GATAD2B: variants seen among roughly 807,000 people sequenced by gnomAD.
GATAD2B encodes the protein transcriptional repressor p66-beta.
A neutral mutation model predicts 64.3 loss-of-function variants in GATAD2B; 8 were observed. That is an observed-to-expected ratio of 0.12 (90% CI 0.07 to 0.22). The LOEUF (loss-of-function observed/expected upper bound fraction) is 0.22, where lower values mean the gene tolerates loss of function less well. Ranked by LOEUF, GATAD2B falls within the 10% of genes least tolerant of loss-of-function variation. GATAD2B has a pLI of 1.00. For missense variants in GATAD2B, 453 were observed against 752.0 expected, an observed-to-expected ratio of 0.60 and a Z score of 4.65; for synonymous variants, 281 against 271.3, an observed-to-expected ratio of 1.04 and a Z score of -0.35.
intron 1 of GATAD2B, among the ~76,000 whole-genome samples, chr1:153,902,282 AAAAAAAAG>A (rs1411540076): frequency 2.6e-5 from 4 of 152,014 alleles, no homozygotes; most frequent in African/African-American, 4.8e-5. Context: ...ACTCCATCTC[AAAAAAAAG>A]AAAAAAAGAA....
At chr1:153,911,357 A>G (rs959487480) in intron 1 of GATAD2B, among the ~76,000 whole-genome samples, 7 of 152,220 alleles carry the variant, frequency 4.6e-5, no homozygotes, top group Non-Finnish European at 7.3e-5. Flanking sequence ...CAACAAAAGA[A>G]AGAGCTAATG....
At chr1:153,892,330 G>C (rs1677440468) in intron 1 of GATAD2B, among the ~76,000 whole-genome samples, 1 of 152,030 alleles carries the variant, frequency 6.6e-6, no homozygotes, top group African/African-American at 2.4e-5. Context: ...CACACTAAAG[G>C]CTAAAGATCA....
intron 1 of GATAD2B, among the ~76,000 whole-genome samples, chr1:153,868,738 C>CT (rs1269590974): frequency 0.011 from 1,534 of 139,172 alleles, 33 homozygotes; most frequent in Admixed American, 0.049. Context: ...ATACTATATA[C>CT]TTTTTTTTTT....
At chr1:153,831,094 T>G (rs137969402) in intron 1 of GATAD2B, among the ~76,000 whole-genome samples, 390 of 152,306 alleles carry the variant, frequency 2.6e-3, no homozygotes, top group Non-Finnish European at 4.2e-3. Context: ...CCCAAACTTC[T>G]GAATTTTGGG....
intron 1 of GATAD2B, among the ~76,000 whole-genome samples, chr1:153,905,553 G>GAAA (rs769120730): frequency 2.0e-4 from 13 of 64,632 alleles, no homozygotes; most frequent in Admixed American, 5.2e-4. Flanking sequence ...AACAATTTTG[G>GAAA]AAAAAAAAAA....
rs995115677 is a variant in GATAD2B at position 153,806,991 on chromosome 1, G to A, written c.*3186C>T. The A allele has an allele frequency of 2.0e-5, 3 of 152,028 alleles. No homozygotes were observed. The highest frequency in any genetic ancestry group is 6.6e-5 in the Admixed American group (1 of 15,264). The allele number at this position is 152,028 out of a possible 1,614,324, so 9.4% of individuals were successfully genotyped here. A position where few individuals can be genotyped will look rare whatever the true frequency, so the allele number is the denominator to read the frequency against. ...CTACCATACATATATCCAAAAATGT[G>A]GGAAAAATACTTATTCCAGGGAGAG... On this transcript the variant is annotated 3_prime_UTR_variant, in exon 11 of 11. Transcript: ENST00000368655.
At chr1:153,825,847 A>C (rs1674856544) in intron 2 of GATAD2B, among the ~76,000 whole-genome samples, 1 of 152,134 alleles carries the variant, frequency 6.6e-6, no homozygotes, top group Non-Finnish European at 1.5e-5. Flanking sequence ...TAAAGTTATA[A>C]CCATTTCTTT....
chr1:153,810,866 C>T (rs938178082), intron 10 of GATAD2B, among the ~76,000 whole-genome samples: 7 of 152,112 alleles, frequency 4.6e-5, no homozygotes, highest in African/African-American at 1.2e-4. Context: ...CAAGTTCAAG[C>T]GATTCTCCTG....
chr1:153,863,868 C>T (rs745414633), intron 1 of GATAD2B, among the ~76,000 whole-genome samples: 8 of 152,134 alleles, frequency 5.3e-5, no homozygotes, highest in Non-Finnish European at 1.0e-4. Context: ...TTGTGATCCA[C>T]CTGCCTCGAT....
chr1:153,882,553 A>G (rs940976695), intron 1 of GATAD2B, among the ~76,000 whole-genome samples: 3 of 152,238 alleles, frequency 2.0e-5, no homozygotes, highest in African/African-American at 7.2e-5. Flanking sequence ...GACAGTACCC[A>G]TGCATTCTTT....
At chr1:153,812,411 A>C (rs1674322260) in intron 8 of GATAD2B, 2 of 367,870 alleles carry the variant, frequency 5.4e-6, no homozygotes, top group South Asian at 1.5e-4. Flanking sequence ...TGGAAAAGGC[A>C]AAAGAGTTTG....
intron 1 of GATAD2B, among the ~76,000 whole-genome samples, chr1:153,893,489 G>C (rs758860881): frequency 2.2e-4 from 33 of 151,842 alleles, no homozygotes; most frequent in Non-Finnish European, 4.6e-4. Context: ...CATGCCTGTA[G>C]TCCCAGCTAC....
chr1:153,869,761 C>A (rs1232084432), intron 1 of GATAD2B, among the ~76,000 whole-genome samples: 1 of 152,164 alleles, frequency 6.6e-6, no homozygotes, highest in Non-Finnish European at 1.5e-5. Context: ...CATGCATACA[C>A]ACGTAACATC....
intron 1 of GATAD2B, among the ~76,000 whole-genome samples, chr1:153,874,402 T>G (rs1676762474): frequency 6.6e-6 from 1 of 152,172 alleles, no homozygotes; most frequent in African/African-American, 2.4e-5. Context: ...ATAAGTGCTG[T>G]TACTGCCTAA....
intron 1 of GATAD2B, among the ~76,000 whole-genome samples, chr1:153,906,546 A>C (rs1046271659): frequency 1.3e-5 from 2 of 152,094 alleles, no homozygotes; most frequent in African/African-American, 4.8e-5. Flanking sequence ...AATAAATGAA[A>C]GACTAAACAG....
intron 1 of GATAD2B, among the ~76,000 whole-genome samples, chr1:153,861,946 CAGA>C (rs530081138): frequency 3.7e-4 from 56 of 149,526 alleles, no homozygotes; most frequent in African/African-American, 1.3e-3. Context: ...TTTTAGGATA[CAGA>C]AACAATTCCG....
At chr1:153,870,167 T>A (rs903568744) in intron 1 of GATAD2B, among the ~76,000 whole-genome samples, 1 of 152,100 alleles carries the variant, frequency 6.6e-6, no homozygotes, top group East Asian at 1.9e-4. Flanking sequence ...GCCAGGCTGG[T>A]CTCGAACTCC....
intron 1 of GATAD2B, among the ~76,000 whole-genome samples, chr1:153,853,608 T>C (rs939889717): frequency 5.3e-5 from 8 of 152,206 alleles, no homozygotes; most frequent in Non-Finnish European, 1.0e-4. Context: ...GTGCAGAAGC[T>C]TTTTAGGTTG....
chr1:153,860,701 C>T (rs865871655), intron 1 of GATAD2B, among the ~76,000 whole-genome samples: 26 of 152,276 alleles, frequency 1.7e-4, no homozygotes, highest in African/African-American at 5.8e-4. Flanking sequence ...CTTTCTGTCA[C>T]CCAGGCTGGA....
Sources: allele counts gnomAD v4.1 joint callset (sites outside exome capture counted in the v4.1 genomes callset), GRCh38; gene constraint gnomAD v4.1.1; transcripts MANE v1.5; gene names NCBI Gene and HGNC (gene_info 2026-07-23, HGNC 2026-07-21).